SYNGR1: variants seen among roughly 807,000 people sequenced by gnomAD.
SYNGR1 encodes the protein synaptogyrin 1.
In SYNGR1, 14 loss-of-function variants were observed where a neutral mutation model predicts 26.1. The observed-to-expected ratio is 0.54, with a 90% confidence interval of 0.35 to 0.84. The LOEUF (loss-of-function observed/expected upper bound fraction) is 0.84. Among genes scored for constraint, SYNGR1 ranks in the 40% least tolerant of loss-of-function variants. The pLI, the probability that SYNGR1 is intolerant of heterozygous loss-of-function variation, is 0.01. For synonymous variants in SYNGR1, 141 were observed against 150.1 expected, an observed-to-expected ratio of 0.94 and a Z score of 0.44; for missense variants, 319 against 332.9, an observed-to-expected ratio of 0.96 and a Z score of 0.33.
intron 1 of SYNGR1, among the ~76,000 whole-genome samples, chr22:39,363,228 G>T (rs926560193): frequency 1.3e-5 from 2 of 152,028 alleles, no homozygotes; most frequent in Non-Finnish European, 2.9e-5. Context: ...GTTTGGTGGG[G>T]GAAGGTCTTT....
intron 1 of SYNGR1, among the ~76,000 whole-genome samples, chr22:39,356,569 CA>C (rs1217562197): frequency 2.6e-5 from 4 of 151,966 alleles, no homozygotes; most frequent in African/African-American, 7.3e-5. Context: ...GGAGAAAAAA[CA>C]GAGGCTGGGA....
At chr22:39,370,467 G>A (rs77654137) in intron 1 of SYNGR1, among the ~76,000 whole-genome samples, 7 of 151,922 alleles carry the variant, frequency 4.6e-5, no homozygotes, top group African/African-American at 1.7e-4. Flanking sequence ...GTAGAGATGC[G>A]GTTTTACAAT....
intron 1 of SYNGR1, among the ~76,000 whole-genome samples, chr22:39,358,392 C>T (rs1381832063): frequency 3.9e-5 from 6 of 152,238 alleles, no homozygotes; most frequent in Admixed American, 1.3e-4. Flanking sequence ...CTTGCATTGG[C>T]AACCTGCTCA....
Position 39,358,729 on chromosome 22 carries a change from G to A in SYNGR1, c.99+8620G>A, listed in dbSNP as rs575080303. 2.2e-4 allele frequency among the ~76,000 whole-genome samples: 33 copies of A among 152,276 alleles called. No homozygotes were observed. The East Asian group carries it at 4.2e-3, about 20-fold the overall frequency. ...CACCTTAAGAGCTGTAACACTCACCGAGAGGGTCCGCGGCTTCATTCTTGA... is the reference window on the plus strand; with the variant it reads ...CACCTTAAGAGCTGTAACACTCACCAAGAGGGTCCGCGGCTTCATTCTTGA... On this transcript the variant is annotated intron_variant, in intron 1 of 3. Coordinates refer to ENST00000328933, the MANE Select transcript of SYNGR1 (RefSeq NM_004711.5).
Position 39,359,302 on chromosome 22 carries a change from C to A in SYNGR1, c.99+9193C>A, listed in dbSNP as rs189376402. On this transcript the variant is annotated intron_variant, in intron 1 of 3. Transcript: ENST00000328933. The stretch of plus-strand genomic sequence containing the variant: ...CACTCCCCTTCATGATGAGCCAGCT[C>A]GAGGCCACTTTGCCCGTTCTTCAAA... Among the ~76,000 whole-genome samples, 5 of 152,150 alleles carry A rather than the reference C, an allele frequency of 3.3e-5. 1 individual carries two copies. Among genetic ancestry groups the A allele is most frequent in the Middle Eastern group, 6.8e-3 (2 of 294 alleles).
intron 1 of SYNGR1, among the ~76,000 whole-genome samples, chr22:39,367,281 G>A (rs1309491974): frequency 6.6e-6 from 1 of 152,212 alleles, no homozygotes; most frequent in African/African-American, 2.4e-5. Flanking sequence ...CCCAGAAGAG[G>A]CCTCCCAGGC....
At chr22:39,359,923 A>C in intron 1 of SYNGR1, among the ~76,000 whole-genome samples, 1 of 151,518 alleles carries the variant, frequency 6.6e-6, no homozygotes, top group Non-Finnish European at 1.5e-5. Flanking sequence ...CCCTCCCCTG[A>C]TCCTAGATCC....
In SYNGR1 at chr22:39,376,024, T is replaced by C. The variant is rs6001561; in HGVS notation, c.338-28T>C. The C allele has an allele frequency of 8.5e-3, 13,683 of 1,614,048 alleles. 964 individuals are homozygous for C. The African/African-American group carries it at 0.16, about 19-fold the overall frequency. ...CCTCTCCCCCATGTGTGGCACTGCC[T>C]ATTCTGCCCGGTCCTGGGACCCCCC... On this transcript the variant is annotated intron_variant, in intron 2 of 3. Transcript: ENST00000328933.
At chr22:39,366,039 C>T (rs1438088862) in intron 1 of SYNGR1, among the ~76,000 whole-genome samples, 1 of 137,878 alleles carries the variant, frequency 7.3e-6, no homozygotes, top group Non-Finnish European at 1.5e-5. Flanking sequence ...CCTCTGTCCC[C>T]CAGGCTGGAG....
chr22:39,374,630 C>A, intron 2 of SYNGR1, 77 bp downstream of exon 2: 1 of 1,463,370 alleles, frequency 6.8e-7, no homozygotes. Flanking sequence ...GGCTGCCACC[C>A]TTCTTCCCAT....
rs1925516261 is a variant in SYNGR1 at position 39,381,996 on chromosome 22, T to G, written c.*82T>G. ...GCCCCTGCTCCTGCCCAGGCTGCCC[T>G]GCCCAGCGCCTCATCAGCCTCTGCC... On this transcript the variant is annotated 3_prime_UTR_variant, in exon 4 of 4. Transcript: ENST00000328933. 6.9e-7 allele frequency: 1 copy of G among 1,451,034 alleles called. No homozygotes were observed. Among genetic ancestry groups the G allele is most frequent in the Non-Finnish European group, 9.4e-7 (1 of 1,067,926 alleles). The allele number at this position is 1,451,034 out of a possible 1,614,324, so 89.9% of individuals were successfully genotyped here.
In SYNGR1 at chr22:39,363,816, G is replaced by A. The variant is rs570472693; in HGVS notation, c.100-10500G>A. On this transcript the variant is annotated intron_variant, in intron 1 of 3. Transcript: ENST00000328933. ...GCAGGGCAGGGACCAGGGCTCCCCCGAGCCACCCAGCTCAGGGATGTTCCT... is the reference window on the plus strand; with the variant it reads ...GCAGGGCAGGGACCAGGGCTCCCCCAAGCCACCCAGCTCAGGGATGTTCCT... Among the ~76,000 whole-genome samples the A allele has an allele frequency of 5.3e-5, 8 of 152,234 alleles. No individual in the cohort carries two copies. In the East Asian group the frequency reaches 1.4e-3, roughly 26 times the overall value.
Position 39,385,059 on chromosome 22 carries a change from G to A in SYNGR1, c.*3145G>A, listed in dbSNP as rs992833621. ...GGTGATTCTTGATCTTCAAAGCCTC[G>A]GGGATCCCAGGTTTCCCCATGTAAC... On this transcript the variant is annotated 3_prime_UTR_variant, in exon 4 of 4. Transcript: ENST00000328933. 6.5e-5 allele frequency: 26 copies of A among 398,792 alleles called. 1 individual carries two copies. The highest frequency in any genetic ancestry group is 2.8e-4 in the East Asian group (8 of 28,202). The allele number at this position is 398,792 out of a possible 1,614,324, so 24.7% of individuals were successfully genotyped here. A position where few individuals can be genotyped will look rare whatever the true frequency, so the allele number is the denominator to read the frequency against.
At position 39,350,768 on chromosome 22, in the gene SYNGR1, C is replaced by T. The variant is rs577523708; in HGVS notation, c.99+659C>T. ...GGGAGTGTCATCTCCTCTCTCATGC[C>T]TCAGTTTCCCAATTTATAGACAAGG... On this transcript the variant is annotated intron_variant, in intron 1 of 3. Transcript: ENST00000328933. This position sits in a 1 kb window ranked among gnomAD's most constrained non-coding sequence, Gnocchi z 4.3. 1.3e-5 allele frequency among the ~76,000 whole-genome samples: 2 copies of T among 152,300 alleles called. No individual in the cohort carries two copies. Among genetic ancestry groups the T allele is most frequent in the African/African-American group, 2.4e-5 (1 of 41,574 alleles).
intron 1 of SYNGR1, among the ~76,000 whole-genome samples, chr22:39,373,401 C>T (rs1218252254): frequency 3.9e-5 from 6 of 151,996 alleles, no homozygotes; most frequent in African/African-American, 1.4e-4. Flanking sequence ...CTCCTGACCT[C>T]GTGATCCACC....
chr22:39,363,726 A>G (rs1194113721), intron 1 of SYNGR1, among the ~76,000 whole-genome samples: 1 of 151,766 alleles, frequency 6.6e-6, no homozygotes, highest in Non-Finnish European at 1.5e-5. Flanking sequence ...GAGGCTGGAG[A>G]GGAGGCTGTG....
chr22:39,374,765 G>A, intron 2 of SYNGR1: 1 of 615,832 alleles, frequency 1.6e-6, no homozygotes, highest in South Asian at 1.9e-5. Flanking sequence ...CTGCCCACAG[G>A]CAGGGGAGCG....
At chr22:39,374,695 A>G (rs966205771) in intron 2 of SYNGR1, 142 bp downstream of exon 2, 4 of 889,668 alleles carry the variant, frequency 4.5e-6, no homozygotes, top group South Asian at 1.5e-5. Flanking sequence ...TCAGGGTCAC[A>G]TGGCTGGCAG....
At chr22:39,353,287 GC>G (rs951399587) in intron 1 of SYNGR1, among the ~76,000 whole-genome samples, 5 of 152,158 alleles carry the variant, frequency 3.3e-5, no homozygotes, top group African/African-American at 1.2e-4. Flanking sequence ...TGGAACCCAA[GC>G]CCTCTGAGCC....
Sources: gnomAD v4.1 joint callset for allele counts (sites outside exome capture counted in the v4.1 genomes callset) on GRCh38, gnomAD v4.1.1 for gene constraint, Gnocchi (gnomAD v3.1) non-coding constraint, MANE v1.5 for transcripts, NCBI Gene and HGNC (gene_info 2026-07-23, HGNC 2026-07-21) for gene names.